VPS13B: variants seen among roughly 807,000 people sequenced by gnomAD.
The protein encoded by VPS13B is vacuolar protein sorting 13 homolog B.
In VPS13B, 285 loss-of-function variants were observed where a neutral mutation model predicts 426.4. That is an observed-to-expected ratio of 0.67 (90% CI 0.61 to 0.74). The LOEUF (loss-of-function observed/expected upper bound fraction) is 0.74, where lower values mean the gene tolerates loss of function less well. Among genes scored for constraint, VPS13B ranks in the 30% least tolerant of loss-of-function variants. The pLI is 0.00. For missense variants in VPS13B, 4,537 were observed against 4,782.6 expected (o/e 0.95, Z 1.51); for synonymous variants, 1,676 against 1,676.4 (o/e 1.00, Z 0.01).
Position 99,136,650 on chromosome 8 carries a change from T to C in VPS13B, c.1564-15T>C, listed in dbSNP as rs367784958. 5.0e-6 allele frequency: 8 copies of C among 1,613,246 alleles called. No homozygotes were observed. Among genetic ancestry groups the C allele is most frequent in the African/African-American group, 2.7e-5 (2 of 74,916 alleles). ...TTATACAATGTTTATTCTGTTTGCA[T>C]TGCTTTGTTGGCAGGAGACATACAC... On this transcript the variant is annotated splice_polypyrimidine_tract_variant and intron_variant, in intron 11 of 61. Transcript: ENST00000357162.
At chr8:99,017,819 T>C (rs191615538) in intron 2 of VPS13B, among the ~76,000 whole-genome samples, 2 of 152,192 alleles carry the variant, frequency 1.3e-5, no homozygotes, top group African/African-American at 4.8e-5. Flanking sequence ...TTTCAACTTA[T>C]AACTTTTAGA....
At chr8:99,147,699 A>T (rs971569321) in intron 13 of VPS13B, 142 bp from the exon 14 acceptor site, 3 of 393,442 alleles carry the variant, frequency 7.6e-6, no homozygotes, top group African/African-American at 6.3e-5. Flanking sequence ...GTTAAAGGTA[A>T]CTTATTATTT....
At position 99,238,837 on chromosome 8, in the gene VPS13B, AATTT is replaced by A. The variant is rs914645968; in HGVS notation, c.2516-35356_2516-35353del. On this transcript the variant is annotated intron_variant, in intron 17 of 61. Transcript: ENST00000357162. ...CATTCTAGTGATATATCTAAAAATA[AATTT>A]ATTTCTTATTTATTTATATGTTATA... 3.3e-5 allele frequency among the ~76,000 whole-genome samples: 5 copies of A among 152,158 alleles called. No individual in the cohort carries two copies. The South Asian group carries it at 6.2e-4, about 19-fold the overall frequency.
intron 35 of VPS13B, among the ~76,000 whole-genome samples, chr8:99,676,058 T>C (rs1830921139): frequency 6.6e-6 from 1 of 152,090 alleles, no homozygotes; most frequent in Admixed American, 6.5e-5. Context: ...AAGAAGTAGG[T>C]TCTTATTCCA....
At chr8:99,606,498 C>CAAAAAAAA (rs370527702) in intron 33 of VPS13B, among the ~76,000 whole-genome samples, 1 of 74,300 alleles carries the variant, frequency 1.3e-5, no homozygotes, top group East Asian at 3.0e-4. Context: ...GACTCAGTTT[C>CAAAAAAAA]AAAAAAAAAA....
At chr8:99,478,933 C>T (rs1819893732) in intron 24 of VPS13B, among the ~76,000 whole-genome samples, 2 of 151,754 alleles carry the variant, frequency 1.3e-5, no homozygotes, top group African/African-American at 4.8e-5. Flanking sequence ...TAACTTAGAG[C>T]TCTCTGCATT....
chr8:99,102,461 A>G (rs1018459171), intron 4 of VPS13B, among the ~76,000 whole-genome samples: 1 of 152,172 alleles, frequency 6.6e-6, no homozygotes, highest in Non-Finnish European at 1.5e-5. Context: ...TATCCGAGGC[A>G]TAACTTTTAA....
At chr8:99,584,752 A>G (rs892365333) in intron 33 of VPS13B, among the ~76,000 whole-genome samples, 7 of 152,206 alleles carry the variant, frequency 4.6e-5, no homozygotes, top group East Asian at 1.9e-4. Context: ...AGTGGAATAC[A>G]TAGAAAAGAG....
At position 99,026,310 on chromosome 8, in the gene VPS13B, T is replaced by G. The variant is rs191215070; in HGVS notation, c.148-12113T>G. ...TCGTGTATTTGTACAGTTTCCAAAG[T>G]GTACTTGTTACTGATTTTTAGTTTT... On this transcript the variant is annotated intron_variant, in intron 2 of 61. Transcript: ENST00000357162. 3.8e-3 allele frequency among the ~76,000 whole-genome samples: 576 copies of G among 152,330 alleles called. 1 individual carries two copies. The highest frequency in any genetic ancestry group is 6.2e-3 in the Non-Finnish European group (422 of 68,034).
intron 54 of VPS13B, among the ~76,000 whole-genome samples, chr8:99,847,222 T>C (rs1023069196): frequency 1.3e-5 from 2 of 152,196 alleles, no homozygotes; most frequent in Non-Finnish European, 2.9e-5. Context: ...TGCAAAACAG[T>C]CCATTTGGGA....
At chr8:99,639,982 ATAG>A (rs1345051881) in intron 33 of VPS13B, among the ~76,000 whole-genome samples, 3 of 92,286 alleles carry the variant, frequency 3.3e-5, no homozygotes, top group Non-Finnish European at 4.4e-5. Context: ...CTCTTTAAAA[ATAG>A]TAATAATAAT....
At chr8:99,533,359 T>C (rs1823031925) in intron 30 of VPS13B, among the ~76,000 whole-genome samples, 1 of 152,234 alleles carries the variant, frequency 6.6e-6, no homozygotes, top group Admixed American at 6.5e-5. Flanking sequence ...GCAAGTGACA[T>C]AATTGTTTCA....
Position 99,143,149 on chromosome 8 carries a change from T to C in VPS13B, c.1827T>C (p.Tyr609=). The change falls in exon 13 of 62, where the codon TAT becomes TAC. Residue 609 remains tyrosine (Y), a synonymous_variant. Coordinates refer to ENST00000357162, the MANE Select transcript of VPS13B (RefSeq NM_152564.5). ...VCALEHEYEP[Y]SRLKSDIKDE... ...CCTTGGAACATGAATATGAACCATA[T>C]AGCAGGCTAAAATCAGGTTTGTTTC... 2.5e-6 allele frequency: 4 copies of C among 1,614,020 alleles called. No individual in the cohort carries two copies. The highest frequency in any genetic ancestry group is 3.4e-6 in the Non-Finnish European group (4 of 1,179,938).
At chr8:99,596,323 C>T (rs898498662) in intron 33 of VPS13B, among the ~76,000 whole-genome samples, 3 of 151,846 alleles carry the variant, frequency 2.0e-5, no homozygotes, top group African/African-American at 7.3e-5. Flanking sequence ...TGGAAATGGA[C>T]AAGTTAGCAG....
intron 34 of VPS13B, among the ~76,000 whole-genome samples, chr8:99,657,689 G>C (rs1830073488): frequency 6.6e-6 from 1 of 152,030 alleles, no homozygotes; most frequent in Non-Finnish European, 1.5e-5. Flanking sequence ...TCTATAGATA[G>C]ATATTTAGTT....
At chr8:99,528,625 C>T (rs1822771301) in intron 30 of VPS13B, among the ~76,000 whole-genome samples, 1 of 152,052 alleles carries the variant, frequency 6.6e-6, no homozygotes, top group Non-Finnish European at 1.5e-5. Flanking sequence ...TTTGAACTTG[C>T]ACCCTAAACT....
At chr8:99,264,457 T>A (rs1382828643) in intron 17 of VPS13B, among the ~76,000 whole-genome samples, 2 of 152,190 alleles carry the variant, frequency 1.3e-5, no homozygotes, top group Non-Finnish European at 2.9e-5. Context: ...TCTGAATGAA[T>A]CTTTATTTTG....
intron 21 of VPS13B, among the ~76,000 whole-genome samples, chr8:99,405,934 C>T (rs1815304282): frequency 1.3e-5 from 2 of 152,042 alleles, no homozygotes; most frequent in Non-Finnish European, 2.9e-5. Context: ...CACCCACCAC[C>T]AACACCAGTT....
chr8:99,791,831 A>AT lies in VPS13B; in HGVS notation c.7941+7362dup, dbSNP rs1037787602. ...AAGTAATTTGCAGGATGACTTTCCC[A>AT]TTTTTTTGGCTTTGCCTTGAGGGCA... On this transcript the variant is annotated intron_variant, in intron 43 of 61. Transcript: ENST00000357162. Among the ~76,000 whole-genome samples, 273 of 151,640 alleles carry AT rather than the reference A, an allele frequency of 1.8e-3. 2 individuals are homozygous for AT. Among genetic ancestry groups the AT allele is most frequent in the Non-Finnish European group, 3.7e-4 (25 of 67,910 alleles).
Sources: allele counts gnomAD v4.1 joint callset (sites outside exome capture counted in the v4.1 genomes callset), GRCh38; gene constraint gnomAD v4.1.1; transcripts MANE v1.5; gene names NCBI Gene and HGNC (gene_info 2026-07-23, HGNC 2026-07-21).